The following ARHGAP17 variants were observed in gnomAD, a reference collection of about 807,000 sequenced individuals.
ARHGAP17 encodes the protein Rho GTPase activating protein 17.
ARHGAP17 carries 57 observed loss-of-function variants against 99.5 expected under a neutral mutation model. The observed-to-expected ratio is 0.57, with a 90% CI of 0.46 to 0.71. The LOEUF (loss-of-function observed/expected upper bound fraction) is 0.71. ARHGAP17 is among the 30% of genes least tolerant of loss of function. The pLI is 0.00. For synonymous variants in ARHGAP17, 417 were observed against 429.6 expected (o/e 0.97, Z 0.36); for missense variants, 1,000 against 1,122.4 (o/e 0.89, Z 1.56).
intron 16 of ARHGAP17, 170 bp from the exon 17 acceptor site, chr16:24,939,767 G>A (rs1567216485): frequency 8.8e-6 from 6 of 683,652 alleles, no homozygotes; most frequent in South Asian, 3.5e-5. Context: ...AACTCCACTC[G>A]GCTTCAAGCC....
intron 1 of ARHGAP17, chr16:25,013,828 G>A (rs921643736): frequency 2.0e-5 from 3 of 152,132 alleles, no homozygotes; most frequent in African/African-American, 7.2e-5. Flanking sequence ...CACAATGCAC[G>A]TTGCTCAGAA....
intron 1 of ARHGAP17, among the ~76,000 whole-genome samples, chr16:24,980,707 A>T (rs888882491): frequency 1.3e-5 from 2 of 152,196 alleles, no homozygotes; most frequent in African/African-American, 4.8e-5. Context: ...CTGGCATGAG[A>T]TCGTCATAGT....
At chr16:24,983,068 A>G (rs1321312682) in intron 1 of ARHGAP17, among the ~76,000 whole-genome samples, 9 of 137,834 alleles carry the variant, frequency 6.5e-5, no homozygotes, top group African/African-American at 2.2e-4. Context: ...GCAGTGCCAC[A>G]ATCTCAGATC....
intron 19 of ARHGAP17, among the ~76,000 whole-genome samples, chr16:24,921,280 G>C (rs2152435721): frequency 6.6e-6 from 1 of 152,330 alleles, no homozygotes; most frequent in South Asian, 2.1e-4. Flanking sequence ...CAAATTATGA[G>C]AGCCTCATTA....
At chr16:24,969,647 T>C (rs1477910578) in intron 4 of ARHGAP17, among the ~76,000 whole-genome samples, 1 of 152,234 alleles carries the variant, frequency 6.6e-6, no homozygotes, top group Non-Finnish European at 1.5e-5. Flanking sequence ...ATAACCATGC[T>C]AGCACGCAGT....
rs184606095 is a variant in ARHGAP17, at chr16:24,977,706, T to G, written c.94-387A>C. Among the ~76,000 whole-genome samples the G allele has an allele frequency of 5.1e-3, 772 of 151,642 alleles. 11 individuals carry two copies. The highest frequency in any genetic ancestry group is 0.017 in the African/African-American group (705 of 41,310). On this transcript the variant is annotated intron_variant, in intron 2 of 19. Coordinates refer to ENST00000289968, the MANE Select transcript of ARHGAP17 (RefSeq NM_001006634.3). ...AAATTATTCCTTATTGGGTTTGGGG[T>G]GTGTGTGTGTGTGTTTTAAATAAAC...
rs1480501971 is a variant in ARHGAP17, at chr16:24,952,230, A to G, written c.1046+59T>C. 2.3e-6 allele frequency: 3 copies of G among 1,301,458 alleles called. No homozygotes were observed. The East Asian group carries it at 7.2e-5, about 31-fold the overall frequency. The allele number at this position is 1,301,458 out of a possible 1,614,324, so 80.6% of individuals were successfully genotyped here. On this transcript the variant is annotated intron_variant, in intron 12 of 19. Coordinates refer to ENST00000289968, the MANE Select transcript of ARHGAP17 (RefSeq NM_001006634.3). ...CCTGAGAATAAAATGATTTGCAAAT[A>G]GGGCACAATATCACTTCATTCCCTT...
Position 24,925,849 on chromosome 16 carries a change from G to A in ARHGAP17, c.2515+4935C>T, listed in dbSNP as rs144211602. On this transcript the variant is annotated intron_variant, in intron 19 of 19. Transcript: ENST00000289968. ...AAAAGGGGCGGGTGTGGTGGCTCAC[G>A]CCTGTAATCCCAGCACTTTGGGAGG... Among the ~76,000 whole-genome samples the A allele has an allele frequency of 3.2e-4, 49 of 152,242 alleles. No individual in the cohort carries two copies. In the East Asian group the frequency reaches 7.9e-3, roughly 25 times the overall value.
chr16:24,951,480 A>C (rs2051642790), intron 12 of ARHGAP17, among the ~76,000 whole-genome samples: 1 of 152,246 alleles, frequency 6.6e-6, no homozygotes, highest in Non-Finnish European at 1.5e-5. Flanking sequence ...ACTTATATGC[A>C]AATTTTTCAA....
chr16:24,971,165 C>T (rs2052350306), intron 3 of ARHGAP17, among the ~76,000 whole-genome samples: 1 of 151,946 alleles, frequency 6.6e-6, no homozygotes, highest in African/African-American at 2.4e-5. Context: ...CCATCACGCC[C>T]AGCCTGTTCA....
chr16:24,971,622 C>A (rs951122435), intron 3 of ARHGAP17, among the ~76,000 whole-genome samples: 3 of 152,174 alleles, frequency 2.0e-5, no homozygotes, highest in Admixed American at 2.0e-4. Flanking sequence ...GCCACCGCAC[C>A]CAGTCTAAAC....
Position 24,952,993 on chromosome 16 carries a change from G to C in ARHGAP17, c.902C>G (p.Ala301Gly), listed in dbSNP as rs375397783. 2 of 1,614,182 alleles carry C rather than the reference G, an allele frequency of 1.2e-6. No individual in the cohort carries two copies. Among genetic ancestry groups the C allele is most frequent in the African/African-American group, 2.7e-5 (2 of 75,050 alleles). ...GTGAGAAGTAGAACAGTCCAAAGCA[G>C]CTTTCAGCTTCTTTAACTTGGAGGC... Reference protein sequence around the residue: ...AGASKLKKLKAALDCSTSHLD... With the variant: ...AGASKLKKLKGALDCSTSHLD... Residue 301 changes from alanine to glycine, a missense_variant, in exon 11 of 20, where the codon GCT (alanine) becomes GGT (glycine). Ala to Gly is a moderately conservative substitution (Grantham distance 60). This residue lies in a region of ARHGAP17 where 472 missense variants were observed against 611.1 expected (regional missense o/e 0.77). Transcript: ENST00000289968.
intron 3 of ARHGAP17, among the ~76,000 whole-genome samples, chr16:24,974,714 C>T (rs1347386696): frequency 6.6e-6 from 1 of 152,106 alleles, no homozygotes; most frequent in East Asian, 1.9e-4. Context: ...GAGGTGACTA[C>T]AACAGTCCAG....
chr16:25,008,186 C>T (rs1597496301), intron 1 of ARHGAP17, among the ~76,000 whole-genome samples: 2 of 152,116 alleles, frequency 1.3e-5, no homozygotes. Context: ...CCAAAAAGTT[C>T]TAAAAAACAA....
chr16:24,977,473 C>A, intron 2 of ARHGAP17, 154 bp from the exon 3 acceptor site: 1 of 477,872 alleles, frequency 2.1e-6, no homozygotes, highest in Non-Finnish European at 3.6e-6. Context: ...AGTCAGTTTA[C>A]ACACTACAGC....
intron 7 of ARHGAP17, among the ~76,000 whole-genome samples, chr16:24,960,271 A>C (rs1213420305): frequency 6.6e-6 from 1 of 152,208 alleles, no homozygotes; most frequent in African/African-American, 2.4e-5. Context: ...ATGGCCGGGC[A>C]CGATGGCTCA....
intron 19 of ARHGAP17, among the ~76,000 whole-genome samples, chr16:24,921,849 T>C (rs991731223): frequency 6.6e-6 from 1 of 152,222 alleles, no homozygotes; most frequent in Non-Finnish European, 1.5e-5. Flanking sequence ...CACCAGCCTA[T>C]GGTGCAGCCA....
intron 4 of ARHGAP17, among the ~76,000 whole-genome samples, chr16:24,969,969 A>C (rs1459260407): frequency 6.6e-6 from 1 of 152,218 alleles, no homozygotes; most frequent in Non-Finnish European, 1.5e-5. Context: ...CTGCAGGAGC[A>C]GACAGAAGGG....
At chr16:25,005,785 C>G (rs867324702) in intron 1 of ARHGAP17, among the ~76,000 whole-genome samples, 1 of 152,092 alleles carries the variant, frequency 6.6e-6, no homozygotes, top group African/African-American at 2.4e-5. Context: ...AAATAGATAA[C>G]AAATTTTTTA....
Sources: allele counts gnomAD v4.1 joint callset (sites outside exome capture counted in the v4.1 genomes callset), GRCh38; gene constraint gnomAD v4.1.1; regional missense constraint gnomAD v4.1.1; transcripts MANE v1.5; gene names NCBI Gene and HGNC (gene_info 2026-07-23, HGNC 2026-07-21).